Variants in CPSF7 observed in about 807,000 individuals in gnomAD.
CPSF7 encodes cleavage and polyadenylation specific factor 7.
CPSF7 carries 1 observed loss-of-function variant against 44.3 expected under a neutral mutation model. The ratio of observed to expected loss-of-function variants is 0.02; its 90% CI spans 0.01 to 0.11. The LOEUF (loss-of-function observed/expected upper bound fraction) is 0.11. Among genes scored for constraint, CPSF7 ranks in the 10% least tolerant of loss-of-function variants. The pLI is 1.00. For synonymous variants in CPSF7, 202 were observed against 222.0 expected, an observed-to-expected ratio of 0.91 and a Z score of 0.80; for missense variants, 443 against 607.2, an observed-to-expected ratio of 0.73 and a Z score of 2.84.
intron 6 of CPSF7, 80 bp downstream of exon 6, chr11:61,416,025 G>A (rs1590699068): frequency 1.6e-6 from 2 of 1,263,566 alleles, no homozygotes; most frequent in Non-Finnish European, 1.1e-6. Flanking sequence ...AGGATTCAGT[G>A]CTCACTTTCT....
intron 4 of CPSF7, 38 bp downstream of exon 4, chr11:61,420,432 T>A: frequency 2.6e-6 from 4 of 1,522,356 alleles, no homozygotes; most frequent in Non-Finnish European, 2.7e-6. Flanking sequence ...ATCCCAATGG[T>A]TACAAATTAA....
chr11:61,420,683 A>C, intron 3 of CPSF7, 110 bp from the exon 4 acceptor site: 1 of 791,772 alleles, frequency 1.3e-6, no homozygotes, highest in Non-Finnish European at 2.1e-6. Flanking sequence ...GAGGAAACTC[A>C]AAAGCCTGGC....
chr11:61,418,370 T>TGAGGTCAGGAAAATCC (rs1309549269), intron 5 of CPSF7, among the ~76,000 whole-genome samples: 6 of 152,168 alleles, frequency 3.9e-5, no homozygotes, highest in African/African-American at 1.4e-4. Flanking sequence ...CTGCACTTTA[T>TGAGGTCAGGAAAATCC]GAGGTCAGGA....
chr11:61,419,510 T>C lies in CPSF7; in HGVS notation c.523+439A>G, dbSNP rs117519765. ...TTATGAAAAGATTATAGGCACCTTT[T>C]AGTTACATTTTAGGGTGGCTGCTTC... On this transcript the variant is annotated intron_variant, in intron 5 of 9. Transcript: ENST00000439958. Among the ~76,000 whole-genome samples the C allele has an allele frequency of 5.9e-3, 904 of 152,292 alleles. 5 individuals are homozygous for C. Among genetic ancestry groups the C allele is most frequent in the Non-Finnish European group, 9.7e-3 (663 of 68,028 alleles).
At chr11:61,424,174 G>A (rs941339700) in intron 2 of CPSF7, among the ~76,000 whole-genome samples, 7 of 152,180 alleles carry the variant, frequency 4.6e-5, no homozygotes, top group African/African-American at 1.7e-4. Context: ...TAAAGAATGA[G>A]GAGAGAAGCT....
At position 61,411,041 on chromosome 11, in the gene CPSF7, C is replaced by T. The variant is rs1401795095; in HGVS notation, c.1291G>A (p.Asp431Asn). 1 of 1,613,634 alleles carries T rather than the reference C, an allele frequency of 6.2e-7. No homozygotes were observed. Among genetic ancestry groups the T allele is most frequent in the Non-Finnish European group, 8.5e-7 (1 of 1,179,960 alleles). The change falls in exon 9 of 10, where the codon GAT (aspartate) becomes AAT (asparagine). Residue 431 changes from aspartate (D) to asparagine (N), a missense_variant. Coordinates refer to ENST00000439958, the MANE Select transcript of CPSF7 (RefSeq NM_001142565.3). Reference protein sequence around the residue: ...RSRESSRRHRDLLHNEDRHDD... With the variant: ...RSRESSRRHRNLLHNEDRHDD... ...TGCCGATCTTCATTATGAAGCAGATCCCGGTGCCTCCTGCTGCTCTCCCGG... is the reference window on the plus strand; with the variant it reads ...TGCCGATCTTCATTATGAAGCAGATTCCGGTGCCTCCTGCTGCTCTCCCGG...
intron 9 of CPSF7, 89 bp downstream of exon 9, chr11:61,410,849 A>T: frequency 7.4e-7 from 1 of 1,355,238 alleles, no homozygotes; most frequent in Non-Finnish European, 9.9e-7. Flanking sequence ...TGCTGCATTT[A>T]CTTTTGCTTT....
intron 8 of CPSF7, 109 bp from the exon 9 acceptor site, chr11:61,411,214 T>C (rs1450587684): frequency 1.0e-5 from 11 of 1,094,208 alleles, no homozygotes; most frequent in Middle Eastern, 2.7e-4. Flanking sequence ...TCTATTACTC[T>C]ATCATGGGCC....
rs114132023 is a variant in CPSF7 at position 61,405,024 on chromosome 11, A to G, written c.*6-320T>C. 2.1e-3 allele frequency among the ~76,000 whole-genome samples: 319 copies of G among 152,326 alleles called. 1 individual carries two copies. The highest frequency in any genetic ancestry group is 7.5e-3 in the African/African-American group (310 of 41,572). ...GGAGACTTTGGCTGCAAAAGTATGG[A>G]AACTGTGACATATTTCAAGAAAAGT... On this transcript the variant is annotated intron_variant, in intron 9 of 9. Coordinates refer to ENST00000439958, the MANE Select transcript of CPSF7 (RefSeq NM_001142565.3).
At chr11:61,421,090 C>G in intron 3 of CPSF7, 5 of 1,371,496 alleles carry the variant, frequency 3.6e-6, no homozygotes, top group Non-Finnish European at 4.8e-6. Context: ...ACCAAGAGTT[C>G]AAGGTGTTCA....
chr11:61,409,150 AAAAAAC>A (rs1341847294), intron 9 of CPSF7, among the ~76,000 whole-genome samples: 2 of 152,002 alleles, frequency 1.3e-5, no homozygotes, highest in Admixed American at 6.6e-5. Flanking sequence ...GTGTCTATTA[AAAAAAC>A]AAAAACAAAA....
At chr11:61,427,322 C>G (rs1861462756) in intron 2 of CPSF7, 1 of 151,808 alleles carries the variant, frequency 6.6e-6, no homozygotes, top group Admixed American at 6.6e-5. Context: ...ACATCTAGAA[C>G]TTTTCTCTTT....
rs770786938 is a variant in CPSF7 at position 61,416,376 on chromosome 11, G to T, written c.667C>A (p.Leu223Ile). The change falls in exon 6 of 10, where the codon CTT becomes ATT. Residue 223 changes from leucine (L) to isoleucine (I), a missense_variant. Leu to Ile is a conservative substitution (Grantham distance 5). Transcript: ENST00000439958. ...LPYFNRPPSA[L>I]PLMGLPPPPI... ...GGTGGGGGCAGACCCATCAGGGGAAGGGCCGAAGGAGGACGATTGAAGTAG... is the reference window on the plus strand; with the variant it reads ...GGTGGGGGCAGACCCATCAGGGGAATGGCCGAAGGAGGACGATTGAAGTAG... The T allele has an allele frequency of 2.0e-5, 32 of 1,611,548 alleles. No individual in the cohort carries two copies. Among genetic ancestry groups the T allele is most frequent in the Non-Finnish European group, 2.6e-5 (31 of 1,178,630 alleles).
chr11:61,429,693 C>G (rs1433618920), intron 1 of CPSF7: 14 of 1,514,306 alleles, frequency 9.2e-6, no homozygotes, highest in Non-Finnish European at 1.2e-5. Context: ...CCAGCCGCCT[C>G]TGCCCCCAAC....
rs970261844 is a variant in CPSF7 at position 61,425,817 on chromosome 11, G to A, written c.54+3365C>T. The stretch of plus-strand genomic sequence containing the variant: ...TCCACCACCCCTACCCACCAGGAGT[G>A]GAATCTGTTTTGAGTACAGGGACCC... On this transcript the variant is annotated intron_variant, in intron 2 of 9. Coordinates refer to ENST00000439958, the MANE Select transcript of CPSF7 (RefSeq NM_001142565.3). 2.6e-5 allele frequency among the ~76,000 whole-genome samples: 4 copies of A among 152,144 alleles called. No homozygotes were observed. The East Asian group carries it at 7.7e-4, about 29-fold the overall frequency.
intron 6 of CPSF7, 52 bp downstream of exon 6, chr11:61,416,053 T>C: frequency 7.0e-7 from 1 of 1,422,912 alleles, no homozygotes; most frequent in South Asian, 1.5e-5. Flanking sequence ...AATAAAATGC[T>C]TAATACACTT....
intron 7 of CPSF7, among the ~76,000 whole-genome samples, chr11:61,412,756 C>T (rs1342151142): frequency 6.6e-6 from 1 of 152,102 alleles, no homozygotes; most frequent in Non-Finnish European, 1.5e-5. Context: ...GCCAGGCACA[C>T]AGTAAGGATC....
At chr11:61,412,026 AG>A (rs1859898637) in intron 7 of CPSF7, 89 bp from the exon 8 acceptor site, 28 of 1,201,506 alleles carry the variant, frequency 2.3e-5, no homozygotes, top group Non-Finnish European at 3.4e-5. Flanking sequence ...ACACAAACCA[AG>A]AGTAGCTAGC....
rs1195869107 is a variant in CPSF7 at position 61,420,696 on chromosome 11, T to C, written c.274-123A>G. The C allele has an allele frequency of 1.3e-5, 9 of 707,340 alleles. No homozygotes were observed. In the East Asian group the frequency reaches 2.3e-4, roughly 18 times the overall value. The allele number at this position is 707,340 out of a possible 1,614,324, so 43.8% of individuals were successfully genotyped here. ...CAGAGGAAACTCAAAAGCCTGGCAA[T>C]ATTTCAATTAGTGCAGACTTTTCTT... On this transcript the variant is annotated intron_variant, in intron 3 of 9. Coordinates refer to ENST00000439958, the MANE Select transcript of CPSF7 (RefSeq NM_001142565.3).
Sources: allele counts gnomAD v4.1 joint callset (sites outside exome capture counted in the v4.1 genomes callset), GRCh38; gene constraint gnomAD v4.1.1; transcripts MANE v1.5; gene names NCBI Gene and HGNC (gene_info 2026-07-23, HGNC 2026-07-21).